The following KCNIP4 variants were observed in gnomAD, a reference collection of about 807,000 sequenced individuals.
The protein encoded by KCNIP4 is potassium voltage-gated channel interacting protein 4.
Under a neutral mutation model 34.0 loss-of-function variants are expected in KCNIP4, and 12 were observed. The ratio of observed to expected loss-of-function variants is 0.35; its 90% CI spans 0.23 to 0.57. The LOEUF (loss-of-function observed/expected upper bound fraction) is 0.57. KCNIP4 is among the 20% of genes least tolerant of loss of function. The pLI, the probability that KCNIP4 is intolerant of heterozygous loss-of-function variation, is 0.83. For synonymous variants in KCNIP4, 124 were observed against 102.2 expected, an observed-to-expected ratio of 1.21 and a Z score of -1.29; for missense variants, 238 against 311.7, an observed-to-expected ratio of 0.76 and a Z score of 1.78.
chr4:21,682,346 A>C (rs146338731), intron 1 of KCNIP4, among the ~76,000 whole-genome samples: 1 of 152,170 alleles, frequency 6.6e-6, no homozygotes, highest in Non-Finnish European at 1.5e-5. Context: ...AACTCGACAT[A>C]AGATTTGGGC....
intron 3 of KCNIP4, among the ~76,000 whole-genome samples, chr4:20,833,816 A>G (rs1040625359): frequency 1.3e-5 from 2 of 152,186 alleles, no homozygotes; most frequent in Non-Finnish European, 2.9e-5. Context: ...CTCCGTGCTC[A>G]TTTTTACTTC....
chr4:21,198,871 C>A (rs1030293025), intron 1 of KCNIP4, among the ~76,000 whole-genome samples: 3 of 152,140 alleles, frequency 2.0e-5, no homozygotes, highest in Non-Finnish European at 4.4e-5. Context: ...GACTGACATG[C>A]AGTACTGACA....
intron 1 of KCNIP4, among the ~76,000 whole-genome samples, chr4:21,115,196 T>G (rs1300658214): frequency 6.6e-6 from 1 of 152,084 alleles, no homozygotes; most frequent in Admixed American, 6.6e-5. Context: ...CATATTAAAC[T>G]CCCAGGCCAT....
intron 3 of KCNIP4, among the ~76,000 whole-genome samples, chr4:20,834,171 T>C (rs1417604993): frequency 6.6e-6 from 1 of 152,118 alleles, no homozygotes; most frequent in Non-Finnish European, 1.5e-5. Context: ...TGGTTTCTAT[T>C]GGTAAGAGTT....
chr4:21,065,879 C>T (rs528354600), intron 1 of KCNIP4, among the ~76,000 whole-genome samples: 39 of 151,140 alleles, frequency 2.6e-4, no homozygotes, highest in African/African-American at 4.4e-4. Context: ...CTTCCCATCA[C>T]GACCCCAGAA....
chr4:21,345,454 A>C (rs753814231), intron 1 of KCNIP4, among the ~76,000 whole-genome samples: 4 of 152,196 alleles, frequency 2.6e-5, no homozygotes, highest in Non-Finnish European at 4.4e-5. Flanking sequence ...GATTTGTTAC[A>C]TAGTAATGGA....
At chr4:21,704,489 T>A (rs1262642861) in intron 1 of KCNIP4, among the ~76,000 whole-genome samples, 3 of 152,102 alleles carry the variant, frequency 2.0e-5, no homozygotes, top group Admixed American at 2.0e-4. Flanking sequence ...CTAGAGTATA[T>A]AAAGACTTTG....
At chr4:21,663,948 T>C (rs1207726060) in intron 1 of KCNIP4, among the ~76,000 whole-genome samples, 3 of 151,398 alleles carry the variant, frequency 2.0e-5, no homozygotes, top group Non-Finnish European at 4.4e-5. Context: ...GCTTTTGTTT[T>C]GTTTCTTTTT....
intron 1 of KCNIP4, among the ~76,000 whole-genome samples, chr4:21,065,800 A>C (rs1744329650): frequency 6.8e-6 from 1 of 147,204 alleles, no homozygotes; most frequent in Admixed American, 6.8e-5. Flanking sequence ...GTAAAAGCAA[A>C]CATCACATGA....
intron 1 of KCNIP4, among the ~76,000 whole-genome samples, chr4:20,987,630 T>C (rs1560624855): frequency 6.6e-6 from 1 of 152,188 alleles, no homozygotes; most frequent in Non-Finnish European, 1.5e-5. Context: ...CCAGGATTTA[T>C]ACCTGATTTA....
intron 1 of KCNIP4, among the ~76,000 whole-genome samples, chr4:21,215,763 T>A (rs755278189): frequency 1.3e-5 from 2 of 152,168 alleles, no homozygotes; most frequent in African/African-American, 4.8e-5. Flanking sequence ...AACTAGCAAT[T>A]AAAATTAAAG....
At chr4:20,965,134 C>A (rs968321950) in intron 1 of KCNIP4, among the ~76,000 whole-genome samples, 1 of 152,036 alleles carries the variant, frequency 6.6e-6, no homozygotes, top group Admixed American at 6.5e-5. Flanking sequence ...TGAAGATAGT[C>A]CTCATCCATA....
At chr4:21,729,160 G>GA (rs1715410480) in intron 1 of KCNIP4, among the ~76,000 whole-genome samples, 2 of 152,012 alleles carry the variant, frequency 1.3e-5, no homozygotes, top group African/African-American at 4.8e-5. Flanking sequence ...TACCCATACT[G>GA]AATACAATTT....
chr4:21,233,916 A>G (rs910456325), intron 1 of KCNIP4, among the ~76,000 whole-genome samples: 1 of 131,732 alleles, frequency 7.6e-6, no homozygotes, highest in African/African-American at 2.9e-5. Flanking sequence ...TATATATTAT[A>G]TATTATGTAA....
At chr4:20,985,636 TACTC>T (rs1014954327) in intron 1 of KCNIP4, among the ~76,000 whole-genome samples, 5 of 152,190 alleles carry the variant, frequency 3.3e-5, no homozygotes, top group African/African-American at 1.2e-4. Flanking sequence ...TGATGAATAA[TACTC>T]AGCTCTGTCT....
chr4:21,047,149 A>G (rs1178210198), intron 1 of KCNIP4, among the ~76,000 whole-genome samples: 1 of 152,222 alleles, frequency 6.6e-6, no homozygotes, highest in East Asian at 1.9e-4. Flanking sequence ...CATTTATTAT[A>G]CCATGTGTGG....
intron 1 of KCNIP4, among the ~76,000 whole-genome samples, chr4:21,023,191 C>T (rs564746493): frequency 9.2e-5 from 14 of 152,052 alleles, no homozygotes; most frequent in Admixed American, 3.3e-4. Flanking sequence ...AACTAGTAGT[C>T]ATTATAAATA....
chr4:21,534,277 T>G (rs1736971742), intron 1 of KCNIP4, among the ~76,000 whole-genome samples: 1 of 152,198 alleles, frequency 6.6e-6, no homozygotes, highest in African/African-American at 2.4e-5. Flanking sequence ...ATCGATGTTG[T>G]CTTTACAGAC....
intron 1 of KCNIP4, among the ~76,000 whole-genome samples, chr4:21,179,217 A>T (rs6845961): frequency 0.37 from 55,510 of 152,036 alleles, 11,675 homozygotes; most frequent in African/African-American, 0.58. Flanking sequence ...CTTTTGCCCA[A>T]CTCATTTGAC....
Sources: allele counts gnomAD v4.1 joint callset (sites outside exome capture counted in the v4.1 genomes callset), GRCh38; gene constraint gnomAD v4.1.1; transcripts MANE v1.5; gene names NCBI Gene and HGNC (gene_info 2026-07-23, HGNC 2026-07-21).